EVA1A: variants seen among roughly 807,000 people sequenced by gnomAD.
The protein encoded by EVA1A is protein eva-1 homolog A.
Under a neutral mutation model 9.8 loss-of-function variants are expected in EVA1A, and 7 were observed. That is an observed-to-expected ratio of 0.71 (90% CI 0.41 to 1.34). EVA1A has a LOEUF of 1.34. EVA1A is among the 40% of genes most tolerant of loss of function. The pLI is 0.01. For synonymous variants in EVA1A, 90 were observed against 85.6 expected, an observed-to-expected ratio of 1.05 and a Z score of -0.28; for missense variants, 206 against 205.9, an observed-to-expected ratio of 1.00 and a Z score of 0.00.
rs3081156 is a variant in EVA1A at position 75,535,295 on chromosome 2, C to CAAA, written c.-191-12811_-191-12809dup. Among the ~76,000 whole-genome samples the CAAA allele has an allele frequency of 1.1e-3, 99 of 92,540 alleles. 4 individuals carry two copies. The highest frequency in any genetic ancestry group is 4.0e-3 in the African/African-American group (91 of 22,868). 60.7% of individuals were successfully genotyped at this position (92,540 alleles called of 152,430 possible). On this transcript the variant is annotated intron_variant, in intron 1 of 3. Coordinates refer to ENST00000393913, the MANE Select transcript of EVA1A (RefSeq NM_001135032.2). The stretch of plus-strand genomic sequence containing the variant: ...AAAGCAATAGATGGCATAGATATGG[C>CAAA]AAAAAAAAAAAAAAAAAGGGAACTC...
intron 3 of EVA1A, among the ~76,000 whole-genome samples, chr2:75,514,380 G>A (rs1451734941): frequency 1.3e-5 from 2 of 152,110 alleles, no homozygotes; most frequent in Non-Finnish European, 2.9e-5. Context: ...AATGCTTATA[G>A]CACAACCAAA....
At chr2:75,555,338 C>CT (rs1553421964) in intron 1 of EVA1A, among the ~76,000 whole-genome samples, 63 of 40,222 alleles carry the variant, frequency 1.6e-3, no homozygotes, top group African/African-American at 4.4e-3. Context: ...TCTCTCTCTC[C>CT]CCCATCTCCC....
chr2:75,562,480 A>G (rs999714014), upstream of EVA1A, among the ~76,000 whole-genome samples: 1 of 152,216 alleles, frequency 6.6e-6, no homozygotes, highest in African/African-American at 2.4e-5. Context: ...AAACGTAAAG[A>G]CAGGTTATTC....
chr2:75,519,185 A>G (rs1156645622), intron 2 of EVA1A, among the ~76,000 whole-genome samples: 1 of 152,220 alleles, frequency 6.6e-6, no homozygotes, highest in Non-Finnish European at 1.5e-5. Flanking sequence ...GAAGTGGGAG[A>G]GAGGTGGCAG....
chr2:75,509,423 C>T (rs1357523090), intron 3 of EVA1A, among the ~76,000 whole-genome samples: 1 of 151,890 alleles, frequency 6.6e-6, no homozygotes, highest in Non-Finnish European at 1.5e-5. Flanking sequence ...TAACCAATAC[C>T]CTCTCATGTT....
chr2:75,509,789 G>A (rs1321545352), intron 3 of EVA1A, among the ~76,000 whole-genome samples: 2 of 152,040 alleles, frequency 1.3e-5, no homozygotes, highest in African/African-American at 4.8e-5. Flanking sequence ...GCATATTAAT[G>A]ATTGTTAAGG....
intron 1 of EVA1A, among the ~76,000 whole-genome samples, chr2:75,544,512 T>C (rs1410793550): frequency 6.6e-6 from 1 of 152,200 alleles, no homozygotes; most frequent in East Asian, 1.9e-4. Context: ...ATAGCGTCCA[T>C]GATGAAACTG....
intron 3 of EVA1A, among the ~76,000 whole-genome samples, chr2:75,515,475 T>C (rs889684682): frequency 6.6e-6 from 1 of 152,228 alleles, no homozygotes; most frequent in Non-Finnish European, 1.5e-5. Context: ...GTCACTTTTC[T>C]TAAGTCATCT....
chr2:75,536,141 C>CAA (rs1675885443), intron 1 of EVA1A, among the ~76,000 whole-genome samples: 1 of 152,076 alleles, frequency 6.6e-6, no homozygotes. Context: ...AGTTAGAGAC[C>CAA]AGCCTGGGCA....
At chr2:75,548,977 A>C (rs1286043101) in intron 1 of EVA1A, among the ~76,000 whole-genome samples, 2 of 138,816 alleles carry the variant, frequency 1.4e-5, no homozygotes, top group African/African-American at 5.7e-5. Context: ...GACTGGCTAA[A>C]TGAAAAATAT....
chr2:75,557,358 T>G (rs1220045432), intron 1 of EVA1A, among the ~76,000 whole-genome samples: 4 of 152,206 alleles, frequency 2.6e-5, no homozygotes, highest in Admixed American at 2.6e-4. Flanking sequence ...AGAGGGTAAG[T>G]GAGTGGCTCC....
At chr2:75,514,932 G>A (rs1233759929) in intron 3 of EVA1A, among the ~76,000 whole-genome samples, 2 of 152,184 alleles carry the variant, frequency 1.3e-5, no homozygotes, top group African/African-American at 2.4e-5. Flanking sequence ...AGCACGATGT[G>A]TAAGTACTCA....
At chr2:75,556,806 C>T (rs1415229559) in intron 1 of EVA1A, among the ~76,000 whole-genome samples, 2 of 152,156 alleles carry the variant, frequency 1.3e-5, no homozygotes, top group Non-Finnish European at 2.9e-5. Context: ...CTAGATCCTT[C>T]ACCCATGCGG....
At chr2:75,521,634 A>T (rs2103857631) in intron 2 of EVA1A, among the ~76,000 whole-genome samples, 1 of 152,220 alleles carries the variant, frequency 6.6e-6, no homozygotes, top group East Asian at 1.9e-4. Context: ...ATTCATAGAG[A>T]CAGAAAGTAG....
chr2:75,511,117 G>A (rs532406461), intron 3 of EVA1A, among the ~76,000 whole-genome samples: 10 of 152,258 alleles, frequency 6.6e-5, no homozygotes, highest in South Asian at 2.1e-4. Flanking sequence ...CTTAGATATC[G>A]TTCTTCATCT....
chr2:75,494,566 C>T (rs1434474022), intron 3 of EVA1A, among the ~76,000 whole-genome samples: 1 of 152,164 alleles, frequency 6.6e-6, no homozygotes, highest in Admixed American at 6.5e-5. Context: ...CTTTGGCCAA[C>T]ACCCTTTGAG....
At chr2:75,547,762 C>T (rs540508242) in intron 1 of EVA1A, among the ~76,000 whole-genome samples, 15 of 152,312 alleles carry the variant, frequency 9.8e-5, no homozygotes, top group African/African-American at 3.6e-4. Flanking sequence ...TCCATTCTCT[C>T]CCCATCCTCC....
chr2:75,559,774 A>T (rs1258593878), intron 1 of EVA1A, among the ~76,000 whole-genome samples: 1 of 150,840 alleles, frequency 6.6e-6, no homozygotes, highest in African/African-American at 2.4e-5. Context: ...GCTGGACTTG[A>T]AGTGTATGTG....
chr2:75,555,301 A>ATCTCTCTCCCTCTCTCTCTC (rs1392383779), intron 1 of EVA1A, among the ~76,000 whole-genome samples: 6 of 57,154 alleles, frequency 1.0e-4, no homozygotes, highest in African/African-American at 3.2e-4. Context: ...TCAAAACTCA[A>ATCTCTCTCCCTCTCTCTCTC]TCTCTCTCTC....
Sources: allele counts gnomAD v4.1 joint callset (sites outside exome capture counted in the v4.1 genomes callset), GRCh38; gene constraint gnomAD v4.1.1; transcripts MANE v1.5; gene names NCBI Gene and HGNC (gene_info 2026-07-23, HGNC 2026-07-21).